Variants in GRK3 observed in about 807,000 individuals in gnomAD.
The protein encoded by GRK3 is G protein-coupled receptor kinase 3, also known as adrenergic, beta, receptor kinase 2.
A neutral mutation model predicts 95.7 loss-of-function variants in GRK3; 54 were observed. The ratio of observed to expected loss-of-function variants is 0.56; its 90% CI spans 0.45 to 0.71. The LOEUF (loss-of-function observed/expected upper bound fraction) is 0.71. GRK3 is among the 30% of genes least tolerant of loss of function. The probability of loss-of-function intolerance (pLI) is 0.00; values close to 1 mark genes in which losing one functional copy is unlikely to be tolerated. For missense variants in GRK3, 649 were observed against 851.2 expected, an observed-to-expected ratio of 0.76 and a Z score of 2.96; for synonymous variants, 281 against 290.8, an observed-to-expected ratio of 0.97 and a Z score of 0.34.
At chr22:25,681,005 A>T (rs2085069848) in intron 9 of GRK3, among the ~76,000 whole-genome samples, 1 of 151,612 alleles carries the variant, frequency 6.6e-6, no homozygotes, top group South Asian at 2.1e-4. Context: ...CCCAAAAGAC[A>T]GTAGGAAGTA....
intron 15 of GRK3, among the ~76,000 whole-genome samples, chr22:25,705,480 A>G (rs181429794): frequency 7.2e-5 from 11 of 152,336 alleles, no homozygotes; most frequent in Admixed American, 6.5e-4. Flanking sequence ...ATATAGGTTA[A>G]TTTCAAAAGT....
intron 12 of GRK3, among the ~76,000 whole-genome samples, chr22:25,693,687 C>T (rs1312272054): frequency 1.3e-5 from 2 of 152,102 alleles, no homozygotes; most frequent in African/African-American, 4.8e-5. Context: ...AGTACCAGAC[C>T]CATGATGACC....
intron 17 of GRK3, among the ~76,000 whole-genome samples, chr22:25,711,760 C>T (rs1024129628): frequency 3.9e-5 from 6 of 152,142 alleles, no homozygotes; most frequent in Non-Finnish European, 8.8e-5. Context: ...TCACCTACCC[C>T]CATGCTGGCA....
chr22:25,724,049 A>T lies in GRK3; in HGVS notation c.*1599A>T, dbSNP rs898110782. ...TATCTGTTATTTCCAGTGTGGGAGG[A>T]GGGATGTACTACTTACATGCATTCT... is the stretch of plus-strand genomic sequence containing the variant. On this transcript the variant is annotated 3_prime_UTR_variant, in exon 21 of 21. Transcript: ENST00000324198. 6 of 150,908 alleles carry T rather than the reference A, an allele frequency of 4.0e-5. No individual in the cohort carries two copies. The highest frequency in any genetic ancestry group is 4.0e-4 in the Admixed American group (6 of 15,098). The allele number at this position is 150,908 out of a possible 1,614,324, so 9.3% of individuals were successfully genotyped here. A position where few individuals can be genotyped will look rare whatever the true frequency, so the allele number is the denominator to read the frequency against.
rs12167147 is a variant in GRK3 at position 25,582,296 on chromosome 22, G to A, written c.113+17143G>A. Among the ~76,000 whole-genome samples the A allele has an allele frequency of 8.7e-3, 1,316 of 151,910 alleles. 12 individuals carry two copies. Among genetic ancestry groups the A allele is most frequent in the Non-Finnish European group, 0.014 (919 of 67,932 alleles). On this transcript the variant is annotated intron_variant, in intron 1 of 20. Coordinates refer to ENST00000324198, the MANE Select transcript of GRK3 (RefSeq NM_005160.4). ...TACCCTGTCTCAAAAAAAAAAAAGA[G>A]TGTGTTGCTCTAAACCGGGCCTCAC...
intron 14 of GRK3, 103 bp downstream of exon 14, chr22:25,703,679 A>G: frequency 1.2e-6 from 1 of 858,272 alleles, no homozygotes; most frequent in Non-Finnish European, 1.8e-6. Flanking sequence ...TAGGAAATAT[A>G]AAATTATGTA....
Position 25,592,259 on chromosome 22 carries a change from G to A in GRK3, c.114-12118G>A, listed in dbSNP as rs185633638. Among the ~76,000 whole-genome samples, 221 of 152,274 alleles carry A rather than the reference G, an allele frequency of 1.5e-3. 1 individual carries two copies. In the Middle Eastern group the frequency reaches 0.027, roughly 19 times the overall value. On this transcript the variant is annotated intron_variant, in intron 1 of 20. Coordinates refer to ENST00000324198, the MANE Select transcript of GRK3 (RefSeq NM_005160.4). Reference sequence around the variant, plus strand: ...AATGATGTTGAACAACTTTTCATATGCTTATTTGCCACCCACATATCTTCT... The same window carrying A: ...AATGATGTTGAACAACTTTTCATATACTTATTTGCCACCCACATATCTTCT...
At chr22:25,717,221 C>T (rs2085393652) in intron 18 of GRK3, among the ~76,000 whole-genome samples, 1 of 152,158 alleles carries the variant, frequency 6.6e-6, no homozygotes, top group Non-Finnish European at 1.5e-5. Context: ...ATGACTTGAA[C>T]ATCTACTGAT....
At chr22:25,681,995 G>C (rs1601523375) in intron 9 of GRK3, among the ~76,000 whole-genome samples, 1 of 152,162 alleles carries the variant, frequency 6.6e-6, no homozygotes, top group South Asian at 2.1e-4. Flanking sequence ...CCATTATAGT[G>C]TCTGTTCAGC....
At chr22:25,688,033 A>G (rs59923991) in intron 11 of GRK3, among the ~76,000 whole-genome samples, 6,276 of 152,160 alleles carry the variant, frequency 0.041, 296 homozygotes, top group African/African-American at 0.12. Flanking sequence ...TCAGGAGATC[A>G]AGGCCATCCT....
At chr22:25,657,167 C>T (rs186130190) in intron 3 of GRK3, among the ~76,000 whole-genome samples, 22 of 152,246 alleles carry the variant, frequency 1.4e-4, no homozygotes, top group African/African-American at 4.8e-4. Flanking sequence ...AAAATTAAAA[C>T]AGAGGAGTAT....
At chr22:25,596,294 A>G (rs943831141) in intron 1 of GRK3, among the ~76,000 whole-genome samples, 9 of 152,326 alleles carry the variant, frequency 5.9e-5, no homozygotes, top group African/African-American at 2.2e-4. Flanking sequence ...AGGGCTTTTA[A>G]TTTACTAAAG....
chr22:25,690,942 C>G (rs2085160327), intron 12 of GRK3, among the ~76,000 whole-genome samples: 3 of 152,178 alleles, frequency 2.0e-5, no homozygotes, highest in African/African-American at 7.2e-5. Flanking sequence ...AGCTCTCAGC[C>G]AGCACCTGAC....
intron 3 of GRK3, among the ~76,000 whole-genome samples, chr22:25,657,075 T>G (rs2084877057): frequency 6.6e-6 from 1 of 152,006 alleles, no homozygotes; most frequent in South Asian, 2.1e-4. Context: ...GCAGGTAGTG[T>G]GAGATAAGAT....
At chr22:25,691,865 C>T (rs192345018) in intron 12 of GRK3, among the ~76,000 whole-genome samples, 561 of 152,300 alleles carry the variant, frequency 3.7e-3, no homozygotes, top group Non-Finnish European at 4.7e-3. Flanking sequence ...AATATTTGAA[C>T]AGCATCTGTA....
chr22:25,649,757 C>A (rs2084814810), intron 3 of GRK3, among the ~76,000 whole-genome samples: 1 of 152,068 alleles, frequency 6.6e-6, no homozygotes, highest in African/African-American at 2.4e-5. Context: ...TATATGCCTC[C>A]TTTTGCATGG....
At chr22:25,689,975 G>A (rs942122745) in intron 11 of GRK3, among the ~76,000 whole-genome samples, 4 of 152,152 alleles carry the variant, frequency 2.6e-5, no homozygotes, top group South Asian at 2.1e-4. Context: ...AGAATCCTTC[G>A]CCTCTGTCAT....
intron 7 of GRK3, among the ~76,000 whole-genome samples, chr22:25,673,832 A>T (rs1391358876): frequency 6.6e-6 from 1 of 152,080 alleles, no homozygotes; most frequent in Non-Finnish European, 1.5e-5. Flanking sequence ...AGTGCTTATG[A>T]ATACAGCCTC....
chr22:25,581,509 A>G (rs1367146205), intron 1 of GRK3: 4 of 152,240 alleles, frequency 2.6e-5, no homozygotes, highest in South Asian at 4.1e-4. Context: ...TGACTCAAAA[A>G]GAGGCTCTGT....
Sources: allele counts gnomAD v4.1 joint callset (sites outside exome capture counted in the v4.1 genomes callset), GRCh38; gene constraint gnomAD v4.1.1; transcripts MANE v1.5; gene names NCBI Gene and HGNC (gene_info 2026-07-23, HGNC 2026-07-21).